Variants in GJA3 observed in about 807,000 individuals in gnomAD.
GJA3 encodes the protein gap junction protein alpha 3, also known as gap junction alpha-3 protein.
For missense variants in GJA3, 571 were observed against 620.3 expected, an observed-to-expected ratio of 0.92 and a Z score of 0.84; for synonymous variants, 297 against 292.6, an observed-to-expected ratio of 1.02 and a Z score of -0.15.
At chr13:20,146,358 T>C (rs182709399) in intron 1 of GJA3, among the ~76,000 whole-genome samples, 13 of 152,330 alleles carry the variant, frequency 8.5e-5, no homozygotes, top group Non-Finnish European at 1.2e-4. Flanking sequence ...CAAATGCCTA[T>C]CGTGCACCTG....
intron 1 of GJA3, among the ~76,000 whole-genome samples, chr13:20,155,178 C>T (rs190398227): frequency 1.5e-3 from 228 of 152,254 alleles, no homozygotes; most frequent in Non-Finnish European, 2.7e-3. Context: ...TTTTTAATAT[C>T]CTAGCACATT....
chr13:20,144,869 A>G (rs1958832931), intron 1 of GJA3, among the ~76,000 whole-genome samples: 1 of 152,176 alleles, frequency 6.6e-6, no homozygotes, highest in Admixed American at 6.5e-5. Context: ...CAAAGAAAAC[A>G]CTTGTCATTT....
At chr13:20,158,781 G>A (rs1325562636) in intron 1 of GJA3, among the ~76,000 whole-genome samples, 2 of 151,666 alleles carry the variant, frequency 1.3e-5, no homozygotes, top group Non-Finnish European at 2.9e-5. Context: ...GCGTGGTGGC[G>A]CATGCCTGTA....
At chr13:20,151,039 G>A (rs1258565335) in intron 1 of GJA3, among the ~76,000 whole-genome samples, 1 of 151,856 alleles carries the variant, frequency 6.6e-6, no homozygotes, top group Non-Finnish European at 1.5e-5. Context: ...AGTGGGGCCC[G>A]GGGCCCAGCA....
At position 20,143,086 on chromosome 13, in the gene GJA3, CT is replaced by C. The variant is rs1566515332; in HGVS notation, c.202del (p.Arg68GlyfsTer48). 3 of 1,613,982 alleles carry C rather than the reference CT, an allele frequency of 1.9e-6. No individual in the cohort carries two copies. The highest frequency in any genetic ancestry group is 2.5e-6 in the Non-Finnish European group (3 of 1,179,940). ...GCGGATGTGGGAGATGGGGAAGGCC[CT>C]GTCGTAGCAGACGTTCTCGCAGCCC... is the stretch of plus-strand genomic sequence containing the variant. ...QPGCENVCYDRAFPISHIRFW... is the reference protein window; with the variant it reads ...QPGCENVCYDXAFPISHIRFW... On this transcript the variant is annotated frameshift_variant, in exon 2 of 2. Transcript: ENST00000241125. LOFTEE classifies it low-confidence loss of function (END_TRUNC).
At chr13:20,159,488 G>T (rs148328359) in intron 1 of GJA3, among the ~76,000 whole-genome samples, 1 of 126,688 alleles carries the variant, frequency 7.9e-6, no homozygotes, top group Non-Finnish European at 1.7e-5. Flanking sequence ...AAAAAAAAAG[G>T]CTGCGATAAA....
At position 20,138,444 on chromosome 13, in the gene GJA3, G is replaced by A. The variant is rs1167584374; in HGVS notation, c.*3537C>T. On this transcript the variant is annotated 3_prime_UTR_variant, in exon 2 of 2. Coordinates refer to ENST00000241125, the MANE Select transcript of GJA3 (RefSeq NM_021954.4). The stretch of plus-strand genomic sequence containing the variant: ...CTTTCTGGAAACAGTTTGTTGCTTT[G>A]AGTGTTATTCAAATCCCTAACTTGT... 2.0e-5 allele frequency: 3 copies of A among 152,158 alleles called. No individual in the cohort carries two copies. Among genetic ancestry groups the A allele is most frequent in the African/African-American group, 7.2e-5 (3 of 41,416 alleles). The allele number at this position is 152,158 out of a possible 1,614,324, so 9.4% of individuals were successfully genotyped here.
rs1358931878 is a variant in GJA3, at chr13:20,141,938, A to C, written c.*43T>G. Reference sequence around the variant, plus strand: ...GTGCACTTTGGTTTTGGTTTCTAAGAAAAAGATCACTACACAGCTGTCTGG... The same window carrying C: ...GTGCACTTTGGTTTTGGTTTCTAAGCAAAAGATCACTACACAGCTGTCTGG... On this transcript the variant is annotated 3_prime_UTR_variant, in exon 2 of 2. Transcript: ENST00000241125. 3 of 1,540,994 alleles carry C rather than the reference A, an allele frequency of 1.9e-6. No homozygotes were observed. Among genetic ancestry groups the C allele is most frequent in the Non-Finnish European group, 8.8e-7 (1 of 1,139,874 alleles).
Position 20,142,341 on chromosome 13 carries a change from G to T in GJA3, c.948C>A (p.Asn316Lys). The change falls in exon 2 of 2, where the codon AAC becomes AAA. Residue 316 changes from asparagine (N) to lysine (K), a missense_variant. Coordinates refer to ENST00000241125, the MANE Select transcript of GJA3 (RefSeq NM_021954.4). ...CAGTCATCAGCAGGTGGTGGTGGCC[G>T]TTGTAGAGCTTGGCGGACTGGCCCT... ...RGKGQSAKLY[N>K]GHHHLLMTEQ... 6.4e-7 allele frequency: 1 copy of T among 1,558,848 alleles called. No homozygotes were observed. The highest frequency in any genetic ancestry group is 2.4e-5 in the East Asian group (1 of 41,988).
chr13:20,142,155 G>A lies in GJA3; in HGVS notation c.1134C>T (p.Ser378=), dbSNP rs1958811326. 2.0e-6 allele frequency: 3 copies of A among 1,523,738 alleles called. No homozygotes were observed. The highest frequency in any genetic ancestry group is 2.5e-5 in the East Asian group (1 of 39,918). The allele number at this position is 1,523,738 out of a possible 1,614,324, so 94.4% of individuals were successfully genotyped here. Residue 378 remains serine, a synonymous_variant, in exon 2 of 2, where the codon AGC becomes AGT. Transcript: ENST00000241125. ...AGAAPLLLDG[S]GSSLEGSALA... is the part of the protein sequence containing the mutation. The stretch of plus-strand genomic sequence containing the variant: ...GGGCGCTCCCCTCCAGACTGCTGCC[G>A]CTCCCATCCAGCAGCAGGGGCGCCG...
upstream of GJA3, among the ~76,000 whole-genome samples, chr13:20,161,343 G>A (rs914700288): frequency 1.3e-5 from 2 of 152,134 alleles, no homozygotes; most frequent in African/African-American, 4.8e-5. Context: ...CGCGCGGGAC[G>A]TGAGAGGAGA....
At chr13:20,153,234 G>A (rs1205263089) in intron 1 of GJA3, among the ~76,000 whole-genome samples, 2 of 152,156 alleles carry the variant, frequency 1.3e-5, no homozygotes, top group Admixed American at 6.5e-5. Flanking sequence ...ACCTTTTCTT[G>A]TACTCTATAT....
chr13:20,147,823 C>G (rs1033272563), intron 1 of GJA3, among the ~76,000 whole-genome samples: 1 of 152,144 alleles, frequency 6.6e-6, no homozygotes, highest in Non-Finnish European at 1.5e-5. Flanking sequence ...AGCACACAAA[C>G]AGATACAATA....
At chr13:20,155,732 T>A (rs1187999365) in intron 1 of GJA3, among the ~76,000 whole-genome samples, 1 of 151,844 alleles carries the variant, frequency 6.6e-6, no homozygotes, top group South Asian at 2.1e-4. Context: ...ATATATAGAA[T>A]AAATCTATAG....
chr13:20,142,822 T>C lies in GJA3; in HGVS notation c.467A>G (p.Lys156Arg), dbSNP rs1353901531. ...LRTYVFNIIF[K>R]TLFEVGFIAG... ...GATGAAGCCCACCTCGAACAGCGTC[T>C]TGAAGATGATGTTGAAGACGTAGGT... Residue 156 changes from lysine to arginine, a missense_variant, in exon 2 of 2, where the codon AAG (lysine) becomes AGG (arginine). By Grantham distance (26) the Lys-to-Arg change is conservative. Coordinates refer to ENST00000241125, the MANE Select transcript of GJA3 (RefSeq NM_021954.4). The C allele has an allele frequency of 1.2e-6, 2 of 1,613,568 alleles. No individual in the cohort carries two copies. The highest frequency in any genetic ancestry group is 1.7e-6 in the Non-Finnish European group (2 of 1,179,848).
At chr13:20,148,535 A>G (rs561016173) in intron 1 of GJA3, among the ~76,000 whole-genome samples, 1 of 152,328 alleles carries the variant, frequency 6.6e-6, no homozygotes, top group South Asian at 2.1e-4. Flanking sequence ...CTGGGATTAC[A>G]GGTGTGAGCC....
intron 1 of GJA3, among the ~76,000 whole-genome samples, chr13:20,148,549 G>A (rs531650788): frequency 3.9e-5 from 6 of 152,256 alleles, no homozygotes; most frequent in East Asian, 3.9e-4. Flanking sequence ...GTGAGCCACC[G>A]CGCCCAGCCT....
chr13:20,142,658 C>T lies in GJA3; in HGVS notation c.631G>A (p.Ala211Thr), dbSNP rs774363429. 1.2e-6 allele frequency: 2 copies of T among 1,613,798 alleles called. No homozygotes were observed. The highest frequency in any genetic ancestry group is 8.5e-7 in the Non-Finnish European group (1 of 1,179,996). Residue 211 changes from alanine to threonine, a missense_variant, in exon 2 of 2, where the codon GCC becomes ACC. By Grantham distance (58) the Ala-to-Thr change is moderately conservative. Transcript: ENST00000241125. ...ATGTTGAGCAGCAGGGACGCGCAGG[C>T]CACCGCCAGCATGAAGATGATGAAG... ...TIFIIFMLAV[A>T]CASLLLNMLE... is the part of the protein sequence containing the mutation.
At chr13:20,144,956 G>A (rs1158022528) in intron 1 of GJA3, among the ~76,000 whole-genome samples, 2 of 152,220 alleles carry the variant, frequency 1.3e-5, no homozygotes, top group Non-Finnish European at 2.9e-5. Flanking sequence ...TAAGGCGGAA[G>A]GATCACTTGA....
Sources: allele counts gnomAD v4.1 joint callset (sites outside exome capture counted in the v4.1 genomes callset), GRCh38; gene constraint gnomAD v4.1.1; transcripts MANE v1.5; gene names NCBI Gene and HGNC (gene_info 2026-07-23, HGNC 2026-07-21).